CDH13: variants seen among roughly 807,000 people sequenced by gnomAD.
CDH13 encodes the protein cadherin-13.
CDH13 carries 24 observed loss-of-function variants against 63.8 expected under a neutral mutation model. The ratio of observed to expected loss-of-function variants is 0.38; its 90% CI spans 0.27 to 0.53. The LOEUF is 0.53. CDH13 is among the 20% of genes least tolerant of loss of function. The probability of loss-of-function intolerance (pLI) is 0.85; values close to 1 mark genes in which losing one functional copy is unlikely to be tolerated. For synonymous variants in CDH13, 503 were observed against 355.3 expected (o/e 1.42, Z -4.67); for missense variants, 1,049 against 903.1 (o/e 1.16, Z -2.07).
At chr16:83,151,072 C>T (rs192352321) in intron 4 of CDH13, among the ~76,000 whole-genome samples, 10 of 152,276 alleles carry the variant, frequency 6.6e-5, no homozygotes, top group Admixed American at 2.6e-4. Context: ...TGAAATCAAT[C>T]TTGTTCCCAT....
At chr16:82,752,336 GA>G (rs1485185017) in intron 1 of CDH13, among the ~76,000 whole-genome samples, 1 of 152,114 alleles carries the variant, frequency 6.6e-6, no homozygotes, top group African/African-American at 2.4e-5. Context: ...GTGCAGAAAG[GA>G]ATCTTTCCCT....
At chr16:82,817,015 G>A (rs773306794) in intron 1 of CDH13, among the ~76,000 whole-genome samples, 21 of 152,080 alleles carry the variant, frequency 1.4e-4, no homozygotes, top group Non-Finnish European at 2.5e-4. Flanking sequence ...TATCCCTTAG[G>A]AGGAGATATC....
chr16:82,662,527 A>G (rs574359510), intron 1 of CDH13, among the ~76,000 whole-genome samples: 2 of 152,318 alleles, frequency 1.3e-5, no homozygotes, highest in South Asian at 2.1e-4. Flanking sequence ...GATTGACCAG[A>G]TGGCTTGTTG....
chr16:82,659,701 C>G (rs757914023), intron 1 of CDH13, among the ~76,000 whole-genome samples: 12 of 152,098 alleles, frequency 7.9e-5, no homozygotes, highest in Non-Finnish European at 1.6e-4. Flanking sequence ...GACTAGGAGA[C>G]TCATGAAAAC....
rs557094242 is a variant in CDH13, at chr16:82,644,344, T to C, written c.45+17207T>C. 3.3e-5 allele frequency among the ~76,000 whole-genome samples: 5 copies of C among 152,176 alleles called. No individual in the cohort carries two copies. Among genetic ancestry groups the C allele is most frequent in the East Asian group, 1.9e-4 (1 of 5,170 alleles). ...ACTCCTCCCACCCCTGCCTTCTGCGTCTCCCTCTGTGCTCTCCATCACCCC... is the reference window on the plus strand; with the variant it reads ...ACTCCTCCCACCCCTGCCTTCTGCGCCTCCCTCTGTGCTCTCCATCACCCC... On this transcript the variant is annotated intron_variant, in intron 1 of 13. Coordinates refer to ENST00000567109, the MANE Select transcript of CDH13 (RefSeq NM_001257.5). The surrounding 1 kb of genome is among the most constrained non-coding windows in gnomAD (Gnocchi z 5.7).
At chr16:82,885,939 C>G (rs1567630311) in intron 2 of CDH13, among the ~76,000 whole-genome samples, 2 of 152,244 alleles carry the variant, frequency 1.3e-5, no homozygotes, top group East Asian at 1.9e-4. Context: ...TATTAGCTGT[C>G]TTTATCATTA....
intron 1 of CDH13, among the ~76,000 whole-genome samples, chr16:82,760,665 TAC>T (rs1459857332): frequency 6.6e-6 from 1 of 152,168 alleles, no homozygotes; most frequent in African/African-American, 2.4e-5. Flanking sequence ...TATAAAGGAA[TAC>T]CTGAGGCCGC....
intron 3 of CDH13, among the ~76,000 whole-genome samples, chr16:83,048,697 A>C (rs990166287): frequency 6.6e-6 from 1 of 151,906 alleles, no homozygotes; most frequent in Non-Finnish European, 1.5e-5. Flanking sequence ...TTTTCATGAC[A>C]TATCCCTTCA....
intron 7 of CDH13, among the ~76,000 whole-genome samples, chr16:83,596,162 T>G (rs1248880959): frequency 1.3e-5 from 2 of 152,198 alleles, no homozygotes; most frequent in Non-Finnish European, 2.9e-5. Context: ...GGGGCCCCCT[T>G]CTCACTGATG....
intron 3 of CDH13, among the ~76,000 whole-genome samples, chr16:83,093,619 C>A (rs886822861): frequency 7.9e-5 from 12 of 151,930 alleles, no homozygotes; most frequent in Admixed American, 2.6e-4. Flanking sequence ...TGCTCCCAGC[C>A]CACCATAAGT....
intron 5 of CDH13, among the ~76,000 whole-genome samples, chr16:83,222,668 C>A (rs8045006): frequency 0.051 from 7,825 of 152,000 alleles, 215 homozygotes; most frequent in Middle Eastern, 0.071. Flanking sequence ...ACTCTGGTCT[C>A]CCCCATTGCT....
At chr16:82,696,170 A>G (rs192984258) in intron 1 of CDH13, among the ~76,000 whole-genome samples, 11 of 152,264 alleles carry the variant, frequency 7.2e-5, no homozygotes, top group African/African-American at 2.2e-4. Flanking sequence ...CTGTCTAAGT[A>G]AAAAAAGAGG....
intron 6 of CDH13, among the ~76,000 whole-genome samples, chr16:83,407,852 G>A (rs71402071): frequency 0.055 from 8,400 of 152,182 alleles, 218 homozygotes; most frequent in Non-Finnish European, 0.062. Context: ...TTACAAATGC[G>A]TAATCGACTC....
At chr16:82,950,807 CTTT>C (rs67534843) in intron 2 of CDH13, among the ~76,000 whole-genome samples, 12 of 132,084 alleles carry the variant, frequency 9.1e-5, no homozygotes, top group Admixed American at 2.3e-4. Flanking sequence ...ACTCCCACAT[CTTT>C]TTTTTTTTTT....
chr16:83,668,140 G>T (rs755082983), intron 8 of CDH13, among the ~76,000 whole-genome samples: 3 of 152,140 alleles, frequency 2.0e-5, no homozygotes, highest in Admixed American at 6.5e-5. Flanking sequence ...CAGTCAACAA[G>T]TCAGTCCCTC....
intron 6 of CDH13, among the ~76,000 whole-genome samples, chr16:83,470,708 C>T (rs1284377016): frequency 6.6e-6 from 1 of 152,198 alleles, no homozygotes; most frequent in African/African-American, 2.4e-5. Context: ...GATAACACGC[C>T]TAGCCCAGAG....
intron 7 of CDH13, among the ~76,000 whole-genome samples, chr16:83,578,789 C>A (rs1905274236): frequency 1.3e-5 from 2 of 152,192 alleles, no homozygotes; most frequent in African/African-American, 2.4e-5. Context: ...ATATTAATAA[C>A]TGCTCAATAA....
intron 1 of CDH13, among the ~76,000 whole-genome samples, chr16:82,733,169 G>A (rs2033489104): frequency 6.6e-6 from 1 of 152,166 alleles, no homozygotes; most frequent in African/African-American, 2.4e-5. Context: ...TCTCAACAAT[G>A]TGTCCTCACA....
At chr16:82,952,113 C>T (rs1188387201) in intron 2 of CDH13, among the ~76,000 whole-genome samples, 1 of 152,138 alleles carries the variant, frequency 6.6e-6, no homozygotes, top group Non-Finnish European at 1.5e-5. Flanking sequence ...GACATTTTTC[C>T]ACACTCAGAC....
Sources: allele counts gnomAD v4.1 joint callset (sites outside exome capture counted in the v4.1 genomes callset), GRCh38; gene constraint gnomAD v4.1.1; non-coding constraint Gnocchi (gnomAD v3.1); transcripts MANE v1.5; gene names NCBI Gene and HGNC (gene_info 2026-07-23, HGNC 2026-07-21).